The following HEPHL1 variants were observed in gnomAD, a reference collection of about 807,000 sequenced individuals.
HEPHL1 encodes ferroxidase HEPHL1.
In HEPHL1, 123 loss-of-function variants were observed where a neutral mutation model predicts 122.0. The ratio of observed to expected loss-of-function variants is 1.01; its 90% CI spans 0.87 to 1.17. The LOEUF (loss-of-function observed/expected upper bound fraction) is 1.17. HEPHL1 is among the 50% of genes most tolerant of loss of function. HEPHL1 has a pLI of 0.00. For synonymous variants in HEPHL1, 527 were observed against 508.9 expected (o/e 1.04, Z -0.48); for missense variants, 1,452 against 1,430.5 (o/e 1.01, Z -0.24).
chr11:94,080,913 C>T (rs1946165507), intron 9 of HEPHL1, among the ~76,000 whole-genome samples: 1 of 152,162 alleles, frequency 6.6e-6, no homozygotes, highest in Non-Finnish European at 1.5e-5. Flanking sequence ...ACCAGAAATA[C>T]CATTTGACCC....
intron 2 of HEPHL1, chr11:94,055,995 C>T (rs1006265588): frequency 4.8e-5 from 45 of 933,808 alleles, no homozygotes; most frequent in Middle Eastern, 7.0e-4. Flanking sequence ...TGGACCCTTT[C>T]GCAGCCAGCT....
At position 94,108,599 on chromosome 11, in the gene HEPHL1, A is replaced by G. The variant is rs140578959; in HGVS notation, c.3046-2304A>G. 4.1e-3 allele frequency among the ~76,000 whole-genome samples: 616 copies of G among 150,804 alleles called. 4 individuals are homozygous for G. The highest frequency in any genetic ancestry group is 8.0e-3 in the Admixed American group (121 of 15,118). On this transcript the variant is annotated intron_variant, in intron 17 of 19. Transcript: ENST00000315765. ...TGGTTCAAGATATGAAATAAGGTTC[A>G]TTTTTTTTTCATATATATGTCCAAA...
At chr11:94,075,464 T>A in intron 9 of HEPHL1, 79 bp downstream of exon 9, 1 of 1,069,278 alleles carries the variant, frequency 9.4e-7, no homozygotes, top group African/African-American at 1.6e-5. Context: ...GAGACAGGAA[T>A]AGTCAGTTAC....
At position 94,097,980 on chromosome 11, in the gene HEPHL1, C is replaced by G. The variant is rs570187004; in HGVS notation, c.2435-3215C>G. Among the ~76,000 whole-genome samples, 13 of 152,214 alleles carry G rather than the reference C, an allele frequency of 8.5e-5. No individual in the cohort carries two copies. In the South Asian group the frequency reaches 2.7e-3, roughly 32 times the overall value. On this transcript the variant is annotated intron_variant, in intron 13 of 19. Coordinates refer to ENST00000315765, the MANE Select transcript of HEPHL1 (RefSeq NM_001098672.2). ...TTGACTCTTTATCCAATTTGCCAGT[C>G]TTTGTCTTTTAATTGGAACATTTCA...
intron 1 of HEPHL1, among the ~76,000 whole-genome samples, chr11:94,039,457 C>T (rs1945755193): frequency 1.3e-5 from 2 of 149,868 alleles, no homozygotes; most frequent in South Asian, 4.3e-4. Context: ...CCAAAATTGA[C>T]CACATAGTTG....
chr11:94,034,161 T>C (rs1018679325), intron 1 of HEPHL1, among the ~76,000 whole-genome samples: 2 of 152,170 alleles, frequency 1.3e-5, no homozygotes, highest in African/African-American at 4.8e-5. Context: ...AAGAGGACTT[T>C]TTCTGCTTTG....
chr11:94,102,481 G>A (rs749997910), intron 14 of HEPHL1, among the ~76,000 whole-genome samples: 2 of 152,192 alleles, frequency 1.3e-5, no homozygotes, highest in Non-Finnish European at 1.5e-5. Context: ...TAGACTCTCT[G>A]ATTTCACTGT....
chr11:94,067,735 A>G lies in HEPHL1; in HGVS notation c.1048A>G (p.Ser350Gly), dbSNP rs781721933. ...GAAGTGGATGATAACCTGCCAGGTC[A>G]GCGACCACCTACAAGGTAAAAAGGA... ...PGKWMITCQVSDHLQAGMLGQ... is the reference protein window; with the variant it reads ...PGKWMITCQVGDHLQAGMLGQ... Residue 350 changes from serine to glycine, a missense_variant, in exon 5 of 20, where the codon AGC (serine) becomes GGC (glycine). Ser to Gly is a moderately conservative substitution (Grantham distance 56). Transcript: ENST00000315765. 1 of 1,613,546 alleles carries G rather than the reference A, an allele frequency of 6.2e-7. No individual in the cohort carries two copies. Among genetic ancestry groups the G allele is most frequent in the Non-Finnish European group, 8.5e-7 (1 of 1,179,668 alleles).
intron 2 of HEPHL1, among the ~76,000 whole-genome samples, chr11:94,062,450 C>A (rs1945993622): frequency 6.6e-6 from 1 of 152,098 alleles, no homozygotes; most frequent in Admixed American, 6.6e-5. Context: ...TTAGTTTTAT[C>A]TTTGCTTTGG....
Position 94,041,074 on chromosome 11 carries a change from C to A in HEPHL1, c.171-4599C>A, listed in dbSNP as rs1945772937. On this transcript the variant is annotated intron_variant, in intron 1 of 19. Coordinates refer to ENST00000315765, the MANE Select transcript of HEPHL1 (RefSeq NM_001098672.2). ...AAAAATCACAAGCATTCTTATAGAC[C>A]AACAACAGACAAACAGAGAGCCAAA... Among the ~76,000 whole-genome samples, 2 of 137,482 alleles carry A rather than the reference C, an allele frequency of 1.5e-5. 1 individual carries two copies. The highest frequency in any genetic ancestry group is 3.2e-5 in the Non-Finnish European group (2 of 63,422). 90.2% of individuals were successfully genotyped at this position (137,482 alleles called of 152,430 possible).
At chr11:94,098,240 G>T (rs1280383247) in intron 13 of HEPHL1, among the ~76,000 whole-genome samples, 1 of 152,158 alleles carries the variant, frequency 6.6e-6, no homozygotes, top group African/African-American at 2.4e-5. Context: ...GCATTTGCTT[G>T]TCTGTAAAGG....
At chr11:94,076,398 T>C (rs1248924662) in intron 9 of HEPHL1, among the ~76,000 whole-genome samples, 1 of 152,156 alleles carries the variant, frequency 6.6e-6, no homozygotes, top group Non-Finnish European at 1.5e-5. Context: ...AACTTTGTCC[T>C]TTTCCAATGC....
chr11:94,108,045 C>T (rs918471827), intron 17 of HEPHL1, among the ~76,000 whole-genome samples: 5 of 152,148 alleles, frequency 3.3e-5, no homozygotes, highest in Non-Finnish European at 7.4e-5. Flanking sequence ...TCCACATATG[C>T]AGTTGGTATT....
rs1946473577 is a variant in HEPHL1, at chr11:94,114,169, A to G, written c.*2275A>G. Reference sequence around the variant, plus strand: ...ATCAGCAATGTCCGCCATTAAAAACAGAAAGCAATGTGCTGTCTTATTTAA... The same window carrying G: ...ATCAGCAATGTCCGCCATTAAAAACGGAAAGCAATGTGCTGTCTTATTTAA... On this transcript the variant is annotated 3_prime_UTR_variant, in exon 20 of 20. Transcript: ENST00000315765. 6.6e-6 allele frequency among the ~76,000 whole-genome samples: 1 copy of G among 152,224 alleles called. No individual in the cohort carries two copies. The highest frequency in any genetic ancestry group is 1.9e-4 in the East Asian group (1 of 5,204).
chr11:94,056,387 C>A (rs1283267845), intron 2 of HEPHL1, among the ~76,000 whole-genome samples: 1 of 152,022 alleles, frequency 6.6e-6, no homozygotes, highest in African/African-American at 2.4e-5. Flanking sequence ...TGTCATTTTG[C>A]TAATTATTTT....
intron 17 of HEPHL1, among the ~76,000 whole-genome samples, chr11:94,106,780 C>A (rs1043521959): frequency 1.3e-5 from 2 of 152,056 alleles, no homozygotes; most frequent in African/African-American, 4.8e-5. Context: ...TTCCTTTTTT[C>A]TTTCCCTTTC....
chr11:94,063,739 A>G lies in HEPHL1; in HGVS notation c.628+19A>G, dbSNP rs775653325. 2 of 1,597,954 alleles carry G rather than the reference A, an allele frequency of 1.3e-6. No homozygotes were observed. Among genetic ancestry groups the G allele is most frequent in the South Asian group, 1.1e-5 (1 of 90,680 alleles). On this transcript the variant is annotated intron_variant, in intron 3 of 19. Coordinates refer to ENST00000315765, the MANE Select transcript of HEPHL1 (RefSeq NM_001098672.2). The stretch of plus-strand genomic sequence containing the variant: ...AAGGAAGGTAAGGAGCTTTGTTTCC[A>G]GGTAACTAGGGAGTTGAAATGTGAA...
Position 94,112,221 on chromosome 11 carries a change from C to T in HEPHL1, c.*327C>T, listed in dbSNP as rs1258218103. On this transcript the variant is annotated 3_prime_UTR_variant, in exon 20 of 20. Transcript: ENST00000315765. ...TCTTTATATTCCATCTTTTATAATTCTTGAACAGTGCTTTCTTAGCTAACC... is the reference window on the plus strand; with the variant it reads ...TCTTTATATTCCATCTTTTATAATTTTTGAACAGTGCTTTCTTAGCTAACC... The T allele has an allele frequency of 5.3e-6, 1 of 186,966 alleles. No individual in the cohort carries two copies. The highest frequency in any genetic ancestry group is 6.1e-5 in the Admixed American group (1 of 16,302). The allele number at this position is 186,966 out of a possible 1,614,324, so 11.6% of individuals were successfully genotyped here.
chr11:94,032,533 A>G (rs1466092601), intron 1 of HEPHL1, among the ~76,000 whole-genome samples: 1 of 152,136 alleles, frequency 6.6e-6, no homozygotes, highest in Non-Finnish European at 1.5e-5. Flanking sequence ...GGTGGCTGTA[A>G]ACCCCATTTG....
Sources: allele counts gnomAD v4.1 joint callset (sites outside exome capture counted in the v4.1 genomes callset), GRCh38; gene constraint gnomAD v4.1.1; transcripts MANE v1.5; gene names NCBI Gene and HGNC (gene_info 2026-07-23, HGNC 2026-07-21).